Variants in ARID1B observed in about 807,000 individuals in gnomAD.
ARID1B encodes the protein AT-rich interaction domain 1B.
Under a neutral mutation model 212.3 loss-of-function variants are expected in ARID1B, and 30 were observed. The ratio of observed to expected loss-of-function variants is 0.14; its 90% confidence interval spans 0.11 to 0.19. The LOEUF (loss-of-function observed/expected upper bound fraction) is 0.19. ARID1B is among the 10% of genes least tolerant of loss of function. The probability of loss-of-function intolerance (pLI) is 1.00; values close to 1 mark genes in which losing one functional copy is unlikely to be tolerated. For synonymous variants in ARID1B, 1,402 were observed against 1,301.7 expected (o/e 1.08, Z -1.66); for missense variants, 2,891 against 3,204.0 (o/e 0.90, Z 2.36).
At chr6:156,809,454 C>T (rs1352244483) in intron 1 of ARID1B, among the ~76,000 whole-genome samples, 1 of 152,170 alleles carries the variant, frequency 6.6e-6, no homozygotes, top group Non-Finnish European at 1.5e-5. Context: ...CTGGAGTGCT[C>T]TTCCACTGTT....
intron 4 of ARID1B, among the ~76,000 whole-genome samples, chr6:157,049,765 AAATT>A (rs1286619567): frequency 1.2e-4 from 18 of 152,306 alleles, no homozygotes; most frequent in African/African-American, 3.9e-4. Flanking sequence ...AAGTATTCTA[AAATT>A]AATTTCAAAC....
At chr6:156,931,835 G>T (rs553197206) in intron 3 of ARID1B, among the ~76,000 whole-genome samples, 2 of 151,928 alleles carry the variant, frequency 1.3e-5, no homozygotes, top group South Asian at 4.2e-4. Context: ...GGTGGCGCAT[G>T]CCTGTAATCC....
rs143462144 is a variant in ARID1B at position 156,795,988 on chromosome 6, C to G, written c.1791+16517C>G. ...TGCGCGGTGGGAAAGCTCGGCACTG[C>G]TCTGCTCATGCCTGTTTGCGGTGGG... On this transcript the variant is annotated intron_variant, in intron 1 of 19. Coordinates refer to ENST00000636930, the MANE Select transcript of ARID1B (RefSeq NM_001374828.1). Among the ~76,000 whole-genome samples the G allele has an allele frequency of 2.7e-3, 417 of 152,080 alleles. 2 individuals carry two copies. The highest frequency in any genetic ancestry group is 9.5e-3 in the African/African-American group (394 of 41,482).
rs934919831 is a variant in ARID1B at position 157,201,577 on chromosome 6, T to G, written c.5263+89T>G. The G allele has an allele frequency of 6.8e-5, 94 of 1,388,484 alleles. No individual in the cohort carries two copies. In the Middle Eastern group the frequency reaches 1.3e-3, roughly 19 times the overall value. The allele number at this position is 1,388,484 out of a possible 1,614,324, so 86.0% of individuals were successfully genotyped here. ...GTAAAGATGCTGTTCCTGCTCATCT[T>G]AAAGGGATGAAAAAATTATGACTAG... On this transcript the variant is annotated intron_variant, in intron 18 of 19. Coordinates refer to ENST00000636930, the MANE Select transcript of ARID1B (RefSeq NM_001374828.1). The surrounding 1 kb of genome is among the most constrained non-coding windows in gnomAD (Gnocchi z 5.2).
chr6:156,963,984 G>A (rs936686103), intron 4 of ARID1B, among the ~76,000 whole-genome samples: 1 of 152,166 alleles, frequency 6.6e-6, no homozygotes, highest in Non-Finnish European at 1.5e-5. Context: ...CTGATTAATC[G>A]CACTTGAAGG....
At chr6:156,825,580 C>G (rs1268603193) in intron 1 of ARID1B, among the ~76,000 whole-genome samples, 1 of 152,212 alleles carries the variant, frequency 6.6e-6, no homozygotes, top group Non-Finnish European at 1.5e-5. Flanking sequence ...TTATCTATAG[C>G]ATTAAAACAT....
At chr6:156,992,302 C>T (rs745307499) in intron 4 of ARID1B, among the ~76,000 whole-genome samples, 1 of 152,028 alleles carries the variant, frequency 6.6e-6, no homozygotes, top group African/African-American at 2.4e-5. Flanking sequence ...CATTGCAGTT[C>T]GGTTGCTCCC....
chr6:156,912,400 T>C (rs1176843891), intron 3 of ARID1B, among the ~76,000 whole-genome samples: 1 of 152,144 alleles, frequency 6.6e-6, no homozygotes, highest in Non-Finnish European at 1.5e-5. Context: ...CCCCATCTTA[T>C]TAAACCTATT....
At chr6:156,870,155 A>C (rs906925413) in intron 2 of ARID1B, 1 of 152,288 alleles carries the variant, frequency 6.6e-6, no homozygotes, top group Non-Finnish European at 1.5e-5. Flanking sequence ...ACAGTCTTTG[A>C]AGAAGTAGGA....
rs1203684217 is a variant in ARID1B at position 157,148,957 on chromosome 6, C to T, written c.3089+6C>T. 4.4e-6 allele frequency: 7 copies of T among 1,606,882 alleles called. No homozygotes were observed. The highest frequency in any genetic ancestry group is 6.0e-6 in the Non-Finnish European group (7 of 1,175,578). Reference sequence around the variant, plus strand: ...GCGAACTCAGCACAAAGCAGGTACGCCACCCAGGAGCACGCCCCGGGCAGG... The same window carrying T: ...GCGAACTCAGCACAAAGCAGGTACGTCACCCAGGAGCACGCCCCGGGCAGG... On this transcript the variant is annotated splice_donor_region_variant and intron_variant, in intron 8 of 19. Transcript: ENST00000636930. The surrounding 1 kb of genome is among the most constrained non-coding windows in gnomAD (Gnocchi z 5.6).
At chr6:156,800,168 A>G (rs933682739) in intron 1 of ARID1B, among the ~76,000 whole-genome samples, 3 of 152,254 alleles carry the variant, frequency 2.0e-5, no homozygotes, top group African/African-American at 7.2e-5. Context: ...ACTCAGAATC[A>G]GGATGCATTT....
intron 2 of ARID1B, among the ~76,000 whole-genome samples, chr6:156,839,535 C>T (rs1007790581): frequency 7.2e-5 from 11 of 152,170 alleles, no homozygotes; most frequent in Non-Finnish European, 1.5e-4. Context: ...ACTAGAATCC[C>T]CTTCAGCTGC....
At chr6:157,063,271 G>T (rs1414694877) in intron 4 of ARID1B, among the ~76,000 whole-genome samples, 1 of 149,680 alleles carries the variant, frequency 6.7e-6, no homozygotes, top group African/African-American at 2.6e-5. Context: ...GGTGGCAGCT[G>T]GGGGGCTAAC....
chr6:156,889,605 G>A (rs1787768915), intron 2 of ARID1B, among the ~76,000 whole-genome samples: 1 of 152,222 alleles, frequency 6.6e-6, no homozygotes. Flanking sequence ...AATACAAAAT[G>A]TGTACTAGAG....
chr6:157,042,104 A>T (rs1781922218), intron 4 of ARID1B, among the ~76,000 whole-genome samples: 1 of 152,152 alleles, frequency 6.6e-6, no homozygotes. Flanking sequence ...CTGCTACATA[A>T]GCCGCTAATA....
intron 4 of ARID1B, among the ~76,000 whole-genome samples, chr6:156,982,856 CCTTTTTA>C (rs1777688089): frequency 1.3e-5 from 2 of 151,976 alleles, no homozygotes; most frequent in South Asian, 4.1e-4. Flanking sequence ...TCTGAATTAC[CCTTTTTA>C]CTTTTTACAA....
intron 5 of ARID1B, among the ~76,000 whole-genome samples, chr6:157,099,899 C>T (rs933003871): frequency 6.6e-6 from 1 of 152,142 alleles, no homozygotes; most frequent in African/African-American, 2.4e-5. Flanking sequence ...TCCTTATTCC[C>T]TTCATGGCTC....
chr6:157,111,331 G>T (rs1023259280), intron 6 of ARID1B: 1 of 152,358 alleles, frequency 6.6e-6, no homozygotes, highest in Non-Finnish European at 1.5e-5. Context: ...TACTCTTGGT[G>T]GTGGTGGTGG....
intron 2 of ARID1B, among the ~76,000 whole-genome samples, chr6:156,858,178 G>A (rs1231169712): frequency 6.6e-6 from 1 of 151,794 alleles, no homozygotes; most frequent in African/African-American, 2.4e-5. Flanking sequence ...AAAAAAAAAA[G>A]TGAACTCATG....
Sources: allele counts gnomAD v4.1 joint callset (sites outside exome capture counted in the v4.1 genomes callset), GRCh38; gene constraint gnomAD v4.1.1; non-coding constraint Gnocchi (gnomAD v3.1); transcripts MANE v1.5; gene names NCBI Gene and HGNC (gene_info 2026-07-23, HGNC 2026-07-21).